The following GALNTL5 variants were observed in gnomAD, a reference collection of about 807,000 sequenced individuals.
GALNTL5 encodes the protein inactive polypeptide N-acetylgalactosaminyltransferase-like protein 5.
Under a neutral mutation model 51.0 loss-of-function variants are expected in GALNTL5, and 44 were observed. The observed-to-expected ratio is 0.86, with a 90% confidence interval of 0.68 to 1.11. The LOEUF (loss-of-function observed/expected upper bound fraction) is 1.11, where lower values mean the gene tolerates loss of function less well. GALNTL5 is among the 50% of genes least tolerant of loss of function. GALNTL5 has a pLI of 0.00. For synonymous variants in GALNTL5, 192 were observed against 182.8 expected, an observed-to-expected ratio of 1.05 and a Z score of -0.41; for missense variants, 528 against 531.8, an observed-to-expected ratio of 0.99 and a Z score of 0.07.
chr7:151,983,774 A>T (rs1025932888), intron 4 of GALNTL5, among the ~76,000 whole-genome samples: 1 of 152,210 alleles, frequency 6.6e-6, no homozygotes, highest in African/African-American at 2.4e-5. Context: ...GGAAGGAAAA[A>T]GTGTTTTTGG....
intron 5 of GALNTL5, among the ~76,000 whole-genome samples, chr7:151,990,497 C>T (rs1009546714): frequency 6.0e-5 from 8 of 133,706 alleles, no homozygotes; most frequent in East Asian, 2.4e-4. Context: ...AGGAGAATGG[C>T]GTGAACCCGG....
chr7:151,994,323 C>G (rs2081465848), intron 5 of GALNTL5, among the ~76,000 whole-genome samples: 1 of 152,130 alleles, frequency 6.6e-6, no homozygotes, highest in Non-Finnish European at 1.5e-5. Flanking sequence ...TTTTTATCAA[C>G]TCTATTGAGA....
At chr7:151,972,799 C>T (rs955894438) in intron 3 of GALNTL5, among the ~76,000 whole-genome samples, 1 of 152,220 alleles carries the variant, frequency 6.6e-6, no homozygotes, top group Non-Finnish European at 1.5e-5. Context: ...ATGGAAACAC[C>T]TGGATGTCCA....
chr7:152,001,311 T>C (rs2081577936), intron 5 of GALNTL5, among the ~76,000 whole-genome samples: 1 of 152,130 alleles, frequency 6.6e-6, no homozygotes, highest in Admixed American at 6.6e-5. Context: ...TCCCCTGTAT[T>C]TTTGGTGTCA....
At chr7:151,994,221 G>T (rs1012797386) in intron 5 of GALNTL5, among the ~76,000 whole-genome samples, 1 of 152,178 alleles carries the variant, frequency 6.6e-6, no homozygotes, top group Non-Finnish European at 1.5e-5. Flanking sequence ...CCTGTTGTGT[G>T]GGCAGGTGAG....
chr7:151,981,285 C>A (rs929736770), intron 3 of GALNTL5, among the ~76,000 whole-genome samples: 1 of 152,136 alleles, frequency 6.6e-6, no homozygotes, highest in East Asian at 1.9e-4. Flanking sequence ...TCATGTAATG[C>A]GCCTTCTATC....
At chr7:151,979,211 G>A (rs1414092827) in intron 3 of GALNTL5, among the ~76,000 whole-genome samples, 4 of 143,860 alleles carry the variant, frequency 2.8e-5, no homozygotes, top group Non-Finnish European at 3.0e-5. Flanking sequence ...CCGGGTTCAC[G>A]CCATTCTCCT....
intron 5 of GALNTL5, 23 bp from the exon 6 acceptor site, chr7:152,002,691 T>C (rs1298345095): frequency 1.2e-6 from 2 of 1,612,498 alleles, no homozygotes; most frequent in Admixed American, 1.7e-5. Context: ...TGGACTAACA[T>C]TGCCCTGTTC....
At chr7:152,016,189 G>C (rs1027019385) in intron 8 of GALNTL5, among the ~76,000 whole-genome samples, 2 of 152,146 alleles carry the variant, frequency 1.3e-5, no homozygotes, top group Non-Finnish European at 2.9e-5. Context: ...CAGATCACCT[G>C]AGGTTGGGAG....
chr7:151,990,441 C>T (rs1159466493), intron 5 of GALNTL5, among the ~76,000 whole-genome samples: 1 of 150,030 alleles, frequency 6.7e-6, no homozygotes, highest in Non-Finnish European at 1.5e-5. Flanking sequence ...ATTAGCCGGG[C>T]GTGGTGGCGG....
intron 4 of GALNTL5, chr7:151,984,096 T>A (rs2081331962): frequency 6.6e-6 from 1 of 152,160 alleles, no homozygotes; most frequent in Admixed American, 6.5e-5. Flanking sequence ...AGCGCATTAT[T>A]TGAATTTTAT....
chr7:151,962,400 T>C (rs2081001816), intron 1 of GALNTL5, among the ~76,000 whole-genome samples: 1 of 151,124 alleles, frequency 6.6e-6, no homozygotes, highest in Non-Finnish European at 1.5e-5. Flanking sequence ...TCTTCTAGTT[T>C]ATTTTTCCTT....
rs1424194038 is a variant in GALNTL5, at chr7:152,002,344, A to G, written c.659-370A>G. 2.3e-4 allele frequency among the ~76,000 whole-genome samples: 35 copies of G among 152,140 alleles called. 1 individual carries two copies. The highest frequency in any genetic ancestry group is 5.1e-4 in the Non-Finnish European group (35 of 68,036). ...GATGCATGTCTGCATCCCATGCACC[A>G]AACTCAATGCCTAAGAAGGTGTCCT... On this transcript the variant is annotated intron_variant, in intron 5 of 8. Coordinates refer to ENST00000392800, the MANE Select transcript of GALNTL5 (RefSeq NM_145292.4).
intron 1 of GALNTL5, among the ~76,000 whole-genome samples, chr7:151,961,034 G>A (rs1451562103): frequency 6.6e-6 from 1 of 152,196 alleles, no homozygotes; most frequent in Non-Finnish European, 1.5e-5. Context: ...GGTCAAAACC[G>A]TAGAAGTCAA....
chr7:151,995,613 A>G (rs2081489757), intron 5 of GALNTL5, among the ~76,000 whole-genome samples: 1 of 152,072 alleles, frequency 6.6e-6, no homozygotes, highest in Admixed American at 6.6e-5. Flanking sequence ...AAATATGGGA[A>G]TGATGCTATC....
At chr7:152,000,828 A>G (rs2081566997) in intron 5 of GALNTL5, among the ~76,000 whole-genome samples, 2 of 151,442 alleles carry the variant, frequency 1.3e-5, no homozygotes. Context: ...TAGTATATGT[A>G]TGATTTGGAA....
chr7:151,967,164 A>G (rs2081070658), intron 1 of GALNTL5, 44 bp from the exon 2 acceptor site: 2 of 1,298,692 alleles, frequency 1.5e-6, no homozygotes, highest in East Asian at 4.6e-5. Context: ...TCTACAAACC[A>G]TTGGAATATC....
chr7:151,964,283 T>G lies in GALNTL5; in HGVS notation c.-39-2925T>G, dbSNP rs575367085. ...CAAATGCAGTCGCACTGGGGCTTGG[T>G]GCTTCCACATGTGAGTTGCAGGGGG... On this transcript the variant is annotated intron_variant, in intron 1 of 8. Transcript: ENST00000392800. 2.6e-5 allele frequency among the ~76,000 whole-genome samples: 4 copies of G among 152,334 alleles called. No individual in the cohort carries two copies. The East Asian group carries it at 7.7e-4, about 29-fold the overall frequency.
intron 1 of GALNTL5, among the ~76,000 whole-genome samples, chr7:151,962,138 G>C (rs772893127): frequency 6.6e-6 from 1 of 151,730 alleles, no homozygotes; most frequent in Non-Finnish European, 1.5e-5. Context: ...GAGTAGCTGA[G>C]ATAACAGGCG....
Sources: allele counts gnomAD v4.1 joint callset (sites outside exome capture counted in the v4.1 genomes callset), GRCh38; gene constraint gnomAD v4.1.1; transcripts MANE v1.5; gene names NCBI Gene and HGNC (gene_info 2026-07-23, HGNC 2026-07-21).